The following POC1B variants were observed in gnomAD, a reference collection of about 807,000 sequenced individuals.
The protein encoded by POC1B is POC1 centriolar protein B, also known as POC1 centriolar protein homolog B.
A neutral mutation model predicts 60.6 loss-of-function variants in POC1B; 44 were observed. That is an observed-to-expected ratio of 0.73 (90% confidence interval 0.57 to 0.93). The LOEUF (loss-of-function observed/expected upper bound fraction) is 0.93. Among genes scored for constraint, POC1B ranks in the 40% least tolerant of loss-of-function variants. POC1B has a pLI of 0.00. For missense variants in POC1B, 555 were observed against 572.3 expected (o/e 0.97, Z 0.31); for synonymous variants, 180 against 198.9 (o/e 0.90, Z 0.80).
At chr12:89,452,877 A>AT (rs1465473824) in intron 10 of POC1B, among the ~76,000 whole-genome samples, 3 of 152,090 alleles carry the variant, frequency 2.0e-5, no homozygotes, top group East Asian at 3.9e-4. Flanking sequence ...TCCCAAATCA[A>AT]TTTTTTTTAA....
At chr12:89,466,386 TAA>T (rs1882686007) in intron 9 of POC1B, among the ~76,000 whole-genome samples, 2 of 152,220 alleles carry the variant, frequency 1.3e-5, no homozygotes, top group Non-Finnish European at 2.9e-5. Context: ...TTTTTTGCTG[TAA>T]AAGAGTTTTA....
At position 89,454,962 on chromosome 12, in the gene POC1B, A is replaced by C. The variant is rs79358001; in HGVS notation, c.1113+4676T>G. 3.1e-4 allele frequency among the ~76,000 whole-genome samples: 47 copies of C among 152,350 alleles called. No homozygotes were observed. In the East Asian group the frequency reaches 8.7e-3, roughly 28 times the overall value. ...TGCTGTCAGTTGACTTAGGCAACTT[A>C]AAGATTCTAAACTAGACTGATGCAT... On this transcript the variant is annotated intron_variant, in intron 10 of 11. Coordinates refer to ENST00000313546, the MANE Select transcript of POC1B (RefSeq NM_172240.3).
At chr12:89,435,859 GATAAT>G (rs1881236744) in intron 10 of POC1B, among the ~76,000 whole-genome samples, 1 of 151,824 alleles carries the variant, frequency 6.6e-6, no homozygotes, top group South Asian at 2.1e-4. Flanking sequence ...GAAGAATTAT[GATAAT>G]ATATCTTTTC....
intron 10 of POC1B, among the ~76,000 whole-genome samples, chr12:89,441,298 G>A (rs1881506450): frequency 2.0e-5 from 3 of 152,200 alleles, no homozygotes. Context: ...TGAGATCTGA[G>A]AACAGACAGA....
the POC1B span, among the ~76,000 whole-genome samples, chr12:89,414,144 C>T: frequency 2.0e-4 from 30 of 152,308 alleles, no homozygotes; most frequent in South Asian, 4.4e-3. Context: ...CCGCCCACCT[C>T]GGCCTCCCAA....
At chr12:89,430,599 C>T (rs1272121739) in intron 10 of POC1B, among the ~76,000 whole-genome samples, 1 of 152,188 alleles carries the variant, frequency 6.6e-6, no homozygotes, top group African/African-American at 2.4e-5. Flanking sequence ...TACCACCACC[C>T]TTTCCACCAC....
intron 2 of POC1B, among the ~76,000 whole-genome samples, chr12:89,503,087 A>ATCCCTT (rs1333253414): frequency 6.6e-6 from 1 of 151,706 alleles, no homozygotes; most frequent in Non-Finnish European, 1.5e-5. Flanking sequence ...ATCTATCCCT[A>ATCCCTT]TCCCTATCCC....
chr12:89,458,925 G>A (rs1259492157), intron 10 of POC1B, among the ~76,000 whole-genome samples: 1 of 152,098 alleles, frequency 6.6e-6, no homozygotes. Context: ...TGAAAATTTT[G>A]AAAACACTGA....
rs908353469 is a variant in POC1B, at chr12:89,501,202, C to A, written c.101-3860G>T. ...GGCAAATGACAAACATTCCCATAAA[C>A]CTCACCTAGTAGAGACATCTCAGCC... On this transcript the variant is annotated intron_variant, in intron 2 of 11. Transcript: ENST00000313546. 2.1e-5 allele frequency: 30 copies of A among 1,418,314 alleles called. No homozygotes were observed. The South Asian group carries it at 3.3e-4, about 16-fold the overall frequency. The allele number at this position is 1,418,314 out of a possible 1,614,324, so 87.9% of individuals were successfully genotyped here. A position where few individuals can be genotyped will look rare whatever the true frequency, so the allele number is the denominator to read the frequency against.
In POC1B at chr12:89,448,951, T is replaced by C. The variant is rs550537484; in HGVS notation, c.1113+10687A>G. Reference sequence around the variant, plus strand: ...CTCAAGGGCCTATTTCTCCACCTGCTCCCAAACTGGAGGTCCTCAGTACTT... The same window carrying C: ...CTCAAGGGCCTATTTCTCCACCTGCCCCCAAACTGGAGGTCCTCAGTACTT... On this transcript the variant is annotated intron_variant, in intron 10 of 11. Transcript: ENST00000313546. 9.3e-4 allele frequency among the ~76,000 whole-genome samples: 141 copies of C among 152,300 alleles called. 1 individual carries two copies. The highest frequency in any genetic ancestry group is 3.3e-3 in the African/African-American group (139 of 41,578).
At chr12:89,482,925 C>CTT (rs1206589521) in intron 4 of POC1B, among the ~76,000 whole-genome samples, 1 of 138,596 alleles carries the variant, frequency 7.2e-6, no homozygotes, top group Admixed American at 7.3e-5. Flanking sequence ...TAACGCTATT[C>CTT]TTTTTTTTTT....
At chr12:89,431,054 G>A (rs1356693362) in intron 10 of POC1B, among the ~76,000 whole-genome samples, 2 of 151,584 alleles carry the variant, frequency 1.3e-5, no homozygotes, top group African/African-American at 2.4e-5. Flanking sequence ...TCCCCTAAAG[G>A]CATACTTGAT....
At chr12:89,419,685 G>A (rs1427717759), downstream of POC1B, 6 of 152,124 alleles carry the variant, frequency 3.9e-5, no homozygotes, top group Non-Finnish European at 7.4e-5. Flanking sequence ...TAGTACTTCC[G>A]GGTTTTAATC....
At chr12:89,466,716 C>G in intron 9 of POC1B, 54 bp downstream of exon 9, 2 of 1,503,650 alleles carry the variant, frequency 1.3e-6, no homozygotes, top group Non-Finnish European at 1.8e-6. Flanking sequence ...CCTCCTTCAG[C>G]AAAAGCCTCA....
chr12:89,509,898 T>G (rs1337290871), intron 2 of POC1B, among the ~76,000 whole-genome samples: 1 of 152,178 alleles, frequency 6.6e-6, no homozygotes, highest in African/African-American at 2.4e-5. Flanking sequence ...CAGGCTGGAG[T>G]GCCGTGGGGC....
At chr12:89,498,804 C>A (rs2135744589) in intron 2 of POC1B, among the ~76,000 whole-genome samples, 1 of 152,206 alleles carries the variant, frequency 6.6e-6, no homozygotes, top group South Asian at 2.1e-4. Flanking sequence ...TATTTGAGTT[C>A]TGTGTATCAT....
intron 2 of POC1B, 72 bp downstream of exon 2, chr12:89,525,048 C>A: frequency 5.6e-6 from 9 of 1,597,254 alleles, no homozygotes; most frequent in Non-Finnish European, 7.7e-6. Flanking sequence ...GGACCCTGCC[C>A]GGACAGGAGG....
At chr12:89,451,317 T>C (rs141359406) in intron 10 of POC1B, among the ~76,000 whole-genome samples, 2 of 152,260 alleles carry the variant, frequency 1.3e-5, no homozygotes, top group Non-Finnish European at 2.9e-5. Flanking sequence ...AAAAAGTACA[T>C]ATGATATAAA....
intron 2 of POC1B, among the ~76,000 whole-genome samples, chr12:89,517,238 C>A (rs1870484276): frequency 6.6e-6 from 1 of 152,200 alleles, no homozygotes; most frequent in Non-Finnish European, 1.5e-5. Context: ...CCTTACCTAG[C>A]TAACTTCTCC....
Sources: gnomAD v4.1 joint callset for allele counts (sites outside exome capture counted in the v4.1 genomes callset) on GRCh38, gnomAD v4.1.1 for gene constraint, MANE v1.5 for transcripts, NCBI Gene and HGNC (gene_info 2026-07-23, HGNC 2026-07-21) for gene names.